Variants in TRHDE observed in about 807,000 individuals in gnomAD.
TRHDE encodes thyrotropin-releasing hormone-degrading ectoenzyme.
A neutral mutation model predicts 125.7 loss-of-function variants in TRHDE; 72 were observed. That is an observed-to-expected ratio of 0.57 (90% CI 0.47 to 0.70). The LOEUF (loss-of-function observed/expected upper bound fraction) is 0.70, where lower values mean the gene tolerates loss of function less well. Ranked by LOEUF, TRHDE falls within the 30% of genes least tolerant of loss-of-function variation. The pLI is 0.00. For synonymous variants in TRHDE, 509 were observed against 509.1 expected (o/e 1.00, Z 0.00); for missense variants, 1,110 against 1,327.1 (o/e 0.84, Z 2.54).
intron 6 of TRHDE, among the ~76,000 whole-genome samples, chr12:72,530,554 C>CT (rs1388725105): frequency 7.7e-5 from 10 of 129,466 alleles, no homozygotes; most frequent in African/African-American, 1.7e-4. Flanking sequence ...TTTTTTTTTT[C>CT]TTTTTTTGTC....
intron 2 of TRHDE, among the ~76,000 whole-genome samples, chr12:72,324,856 G>T (rs1452073237): frequency 1.3e-5 from 2 of 152,066 alleles, no homozygotes; most frequent in Non-Finnish European, 2.9e-5. Context: ...ACTCCTTAAT[G>T]GATAACTATA....
chr12:72,529,926 A>G (rs1474697132), intron 6 of TRHDE, among the ~76,000 whole-genome samples: 2 of 152,124 alleles, frequency 1.3e-5, no homozygotes, highest in Non-Finnish European at 2.9e-5. Flanking sequence ...CATCTCACCT[A>G]TCAATTCCTG....
At chr12:72,566,629 T>TAG (rs1870460722) in intron 9 of TRHDE, among the ~76,000 whole-genome samples, 1 of 150,622 alleles carries the variant, frequency 6.6e-6, no homozygotes, top group East Asian at 1.9e-4. Flanking sequence ...TATGTTTATA[T>TAG]TAGGGGCAAT....
chr12:72,382,348 A>G (rs1174164510), intron 3 of TRHDE, among the ~76,000 whole-genome samples: 1 of 151,978 alleles, frequency 6.6e-6, no homozygotes, highest in Non-Finnish European at 1.5e-5. Context: ...AGGGGGGGAC[A>G]GTGACTAGAA....
intron 2 of TRHDE, among the ~76,000 whole-genome samples, chr12:72,183,506 T>C (rs1266902680): frequency 2.0e-5 from 3 of 152,230 alleles, no homozygotes; most frequent in African/African-American, 7.2e-5. Flanking sequence ...TTTGACATTA[T>C]AAAATGGTCA....
chr12:72,397,945 C>T (rs992314934), intron 3 of TRHDE, among the ~76,000 whole-genome samples: 15 of 151,366 alleles, frequency 9.9e-5, no homozygotes, highest in Non-Finnish European at 1.5e-4. Flanking sequence ...AACTCGTCAT[C>T]TAGCATTAGG....
At chr12:72,096,903 A>G (rs1247717753) in intron 1 of TRHDE, among the ~76,000 whole-genome samples, 1 of 152,218 alleles carries the variant, frequency 6.6e-6, no homozygotes, top group Non-Finnish European at 1.5e-5. Context: ...AATACAGTCA[A>G]TAACTTCTAG....
At chr12:72,206,741 A>C (rs1331644421) in intron 2 of TRHDE, among the ~76,000 whole-genome samples, 1 of 152,126 alleles carries the variant, frequency 6.6e-6, no homozygotes, top group African/African-American at 2.4e-5. Flanking sequence ...AATTTTAAAA[A>C]AGAAAATTAA....
intron 17 of TRHDE, among the ~76,000 whole-genome samples, chr12:72,656,178 T>C (rs575166814): frequency 1.3e-5 from 2 of 152,270 alleles, no homozygotes; most frequent in Admixed American, 6.5e-5. Context: ...TTCAACTCAC[T>C]GACACAAGTT....
At chr12:72,409,955 C>G (rs1030573751) in intron 3 of TRHDE, among the ~76,000 whole-genome samples, 1 of 151,776 alleles carries the variant, frequency 6.6e-6, no homozygotes, top group African/African-American at 2.4e-5. Flanking sequence ...TACTATAAAA[C>G]TATCAAAAAA....
At chr12:72,650,628 C>A (rs1375688614) in intron 15 of TRHDE, among the ~76,000 whole-genome samples, 2 of 151,938 alleles carry the variant, frequency 1.3e-5, no homozygotes, top group Non-Finnish European at 2.9e-5. Context: ...ACTATAGTAT[C>A]ATGCTTAATA....
intron 12 of TRHDE, among the ~76,000 whole-genome samples, chr12:72,592,062 T>G (rs190666728): frequency 6.6e-6 from 1 of 152,248 alleles, no homozygotes; most frequent in Admixed American, 6.5e-5. Context: ...TTTTAATTGG[T>G]CAAATATTTT....
intron 15 of TRHDE, among the ~76,000 whole-genome samples, chr12:72,623,288 T>C (rs976963706): frequency 1.3e-5 from 2 of 152,048 alleles, no homozygotes; most frequent in East Asian, 1.9e-4. Context: ...TGTTTTATCT[T>C]GCTATCAACA....
At chr12:72,466,746 G>A (rs575199893) in intron 3 of TRHDE, among the ~76,000 whole-genome samples, 3 of 152,146 alleles carry the variant, frequency 2.0e-5, no homozygotes, top group Non-Finnish European at 2.9e-5. Context: ...AAACAAGCTA[G>A]CCTCTACCAT....
chr12:72,096,511 A>C (rs1286300440), intron 1 of TRHDE, among the ~76,000 whole-genome samples: 1 of 152,226 alleles, frequency 6.6e-6, no homozygotes, highest in Admixed American at 6.5e-5. Context: ...GAAGGCTAAG[A>C]TCACTTTTTA....
chr12:72,527,186 C>T (rs967866823), intron 6 of TRHDE, among the ~76,000 whole-genome samples: 6 of 152,088 alleles, frequency 3.9e-5, no homozygotes, highest in Non-Finnish European at 8.8e-5. Context: ...AAGCAAAATA[C>T]TGGGTTTTGC....
At chr12:72,620,743 T>C (rs1873018647) in intron 13 of TRHDE, among the ~76,000 whole-genome samples, 1 of 152,142 alleles carries the variant, frequency 6.6e-6, no homozygotes, top group South Asian at 2.1e-4. Flanking sequence ...ATATTAGATG[T>C]CCATTTTCAT....
In TRHDE at chr12:72,669,227, A is replaced by T. The variant is rs1470402419; in HGVS notation, c.*6032A>T. On this transcript the variant is annotated 3_prime_UTR_variant, in exon 19 of 19. Coordinates refer to ENST00000261180, the MANE Select transcript of TRHDE (RefSeq NM_013381.3). ...ACTTCTGTCTTTGCATGTGGAGGAG[A>T]CATATTAGTCTAGCCAGAACTTTCC... The T allele has an allele frequency of 3.3e-5, 5 of 151,764 alleles. No homozygotes were observed. Among genetic ancestry groups the T allele is most frequent in the Non-Finnish European group, 7.4e-5 (5 of 67,830 alleles). The allele number at this position is 151,764 out of a possible 1,614,324, so 9.4% of individuals were successfully genotyped here. A position where few individuals can be genotyped will look rare whatever the true frequency, so the allele number is the denominator to read the frequency against.
At chr12:72,263,523 C>T (rs1384547686) in intron 2 of TRHDE, 1 of 152,064 alleles carries the variant, frequency 6.6e-6, no homozygotes, top group African/African-American at 2.4e-5. Flanking sequence ...TCTAGTGCAT[C>T]TTTTAATTTG....
Sources: gnomAD v4.1 joint callset for allele counts (sites outside exome capture counted in the v4.1 genomes callset) on GRCh38, gnomAD v4.1.1 for gene constraint, MANE v1.5 for transcripts, NCBI Gene and HGNC (gene_info 2026-07-23, HGNC 2026-07-21) for gene names.